ZSCAN2: variants seen among roughly 807,000 people sequenced by gnomAD.
The protein encoded by ZSCAN2 is zinc finger and SCAN domain-containing protein 2.
A neutral mutation model predicts 47.8 loss-of-function variants in ZSCAN2; 26 were observed. The observed-to-expected ratio is 0.54, with a 90% CI of 0.40 to 0.75. ZSCAN2 has a LOEUF of 0.75. Ranked by LOEUF, ZSCAN2 falls within the 30% of genes least tolerant of loss-of-function variation. ZSCAN2 has a pLI of 0.00. For synonymous variants in ZSCAN2, 305 were observed against 288.7 expected (o/e 1.06, Z -0.57); for missense variants, 732 against 785.4 (o/e 0.93, Z 0.81).
At position 84,621,925 on chromosome 15, in the gene ZSCAN2, A is replaced by G. The variant is rs1196285914; in HGVS notation, c.1730A>G (p.Gln577Arg). 6.2e-7 allele frequency: 1 copy of G among 1,614,050 alleles called. No homozygotes were observed. Among genetic ancestry groups the G allele is most frequent in the Admixed American group, 1.7e-5 (1 of 59,998 alleles). ...FSWNSVLIIHQRIHTGEKPYK... is the reference protein window; with the variant it reads ...FSWNSVLIIHRRIHTGEKPYK... ...TGGAACTCAGTCCTCATTATACATC[A>G]GCGAATCCACACTGGGGAGAAGCCC... Residue 577 changes from glutamine (Q) to arginine (R), a missense_variant, in exon 3 of 3, where the codon CAG (glutamine) becomes CGG (arginine). Around this residue, in one of 2 missense-constraint regions of ZSCAN2, gnomAD observed 412 missense variants for 498.0 expected, o/e 0.83. Coordinates refer to ENST00000546148, the MANE Select transcript of ZSCAN2 (RefSeq NM_181877.4). The surrounding 1 kb of genome is among the most constrained non-coding windows in gnomAD (Gnocchi z 5.7).
chr15:84,613,824 G>A (rs749329551), intron 2 of ZSCAN2, among the ~76,000 whole-genome samples: 7 of 151,698 alleles, frequency 4.6e-5, no homozygotes, highest in Non-Finnish European at 8.8e-5. Flanking sequence ...TGGGATTACA[G>A]GCATGTACCA....
rs1895842607 is a variant in ZSCAN2 at position 84,622,698 on chromosome 15, C to T, written c.*658C>T. 2 of 717,170 alleles carry T rather than the reference C, an allele frequency of 2.8e-6. No homozygotes were observed. The highest frequency in any genetic ancestry group is 5.2e-6 in the Non-Finnish European group (2 of 385,058). 44.4% of individuals were successfully genotyped at this position (717,170 alleles called of 1,614,324 possible). A position where few individuals can be genotyped will look rare whatever the true frequency, so the allele number is the denominator to read the frequency against. The stretch of plus-strand genomic sequence containing the variant: ...GAAGTACAGCCTGGAGCCAGTGTCC[C>T]AGTGTCCTTTCCATTGGTAAGAGTT... On this transcript the variant is annotated 3_prime_UTR_variant, in exon 3 of 3. Transcript: ENST00000546148.
chr15:84,606,316 G>A, intron 2 of ZSCAN2: 1 of 515,906 alleles, frequency 1.9e-6, no homozygotes, highest in Non-Finnish European at 3.5e-6. Context: ...GTGAGTGGCT[G>A]GCATTGTCAT....
Position 84,620,968 on chromosome 15 carries a change from G to C in ZSCAN2, c.773G>C (p.Ser258Thr). 6.2e-7 allele frequency: 1 copy of C among 1,614,074 alleles called. No homozygotes were observed. Among genetic ancestry groups the C allele is most frequent in the South Asian group, 1.1e-5 (1 of 91,076 alleles). ...TACAAATGTGATGAATGTGGAAAAA[G>C]CTTTAGTGATGGTTCAAATTTTAGT... ...KYYKCDECGK[S>T]FSDGSNFSRH... Residue 258 changes from serine to threonine, a missense_variant, in exon 3 of 3, where the codon AGC becomes ACC. By Grantham distance (58) the Ser-to-Thr change is moderately conservative. Transcript: ENST00000546148.
At chr15:84,612,428 A>G (rs1294383151) in intron 2 of ZSCAN2, among the ~76,000 whole-genome samples, 2 of 152,186 alleles carry the variant, frequency 1.3e-5, no homozygotes, top group Non-Finnish European at 2.9e-5. Flanking sequence ...TATGTTATAC[A>G]GCAATGTAGA....
At chr15:84,618,859 C>T (rs1346727840) in intron 2 of ZSCAN2, among the ~76,000 whole-genome samples, 8 of 152,060 alleles carry the variant, frequency 5.3e-5, no homozygotes, top group South Asian at 2.1e-4. Context: ...CCACCATGCC[C>T]GGTGTCAGTC....
At chr15:84,615,465 G>T (rs1044103241) in intron 2 of ZSCAN2, among the ~76,000 whole-genome samples, 2 of 152,022 alleles carry the variant, frequency 1.3e-5, no homozygotes, top group African/African-American at 2.4e-5. Context: ...TAAGTAGCTG[G>T]GTCTACAAGT....
intron 2 of ZSCAN2, among the ~76,000 whole-genome samples, chr15:84,610,982 G>T (rs1253830989): frequency 6.6e-6 from 1 of 152,162 alleles, no homozygotes; most frequent in Non-Finnish European, 1.5e-5. Flanking sequence ...ATTTAGAAAT[G>T]AAGAACTAAA....
chr15:84,615,755 C>T lies in ZSCAN2; in HGVS notation c.407-4847C>T, dbSNP rs554799447. Among the ~76,000 whole-genome samples the T allele has an allele frequency of 2.0e-5, 3 of 152,206 alleles. No individual in the cohort carries two copies. The South Asian group carries it at 6.2e-4, about 32-fold the overall frequency. On this transcript the variant is annotated intron_variant, in intron 2 of 2. Transcript: ENST00000546148. ...CTTTCCAAGATGCCTATTCCCATTG[C>T]GCTCCTTTTCCTGTTGTCTTCATTT...
intron 2 of ZSCAN2, among the ~76,000 whole-genome samples, chr15:84,604,631 A>G (rs1346593128): frequency 6.6e-6 from 1 of 152,108 alleles, no homozygotes; most frequent in Non-Finnish European, 1.5e-5. Flanking sequence ...ACGGGAGGAG[A>G]TGGAGACCCC....
intron 2 of ZSCAN2, among the ~76,000 whole-genome samples, chr15:84,617,754 T>C (rs1464399666): frequency 6.6e-6 from 1 of 152,016 alleles, no homozygotes; most frequent in Non-Finnish European, 1.5e-5. Context: ...CTGGGCAACA[T>C]AGCAAAACCC....
intron 2 of ZSCAN2, among the ~76,000 whole-genome samples, chr15:84,618,273 C>T (rs950172122): frequency 1.3e-5 from 2 of 152,038 alleles, no homozygotes; most frequent in African/African-American, 4.8e-5. Flanking sequence ...CAAAAATTAG[C>T]TGGGCGTGGT....
At position 84,620,712 on chromosome 15, in the gene ZSCAN2, G is replaced by C; in HGVS notation, c.517G>C (p.Asp173His). The change falls in exon 3 of 3, where the codon GAT becomes CAT. Residue 173 changes from aspartate to histidine, a missense_variant. By Grantham distance (81) the Asp-to-His change is moderately conservative (BLOSUM62 -1). Around this residue, in one of 2 missense-constraint regions of ZSCAN2, gnomAD observed 320 missense variants for 287.4 expected, o/e 1.11. Transcript: ENST00000546148. ...TGAAGGTGAAAGTGCTCAGCACTCCGATGGGGAAAGTGACTTTGAGAGAGA... is the reference window on the plus strand; with the variant it reads ...TGAAGGTGAAAGTGCTCAGCACTCCCATGGGGAAAGTGACTTTGAGAGAGA... ...MPEGESAQHS[D>H]GESDFERDAG... The C allele has an allele frequency of 6.2e-7, 1 of 1,614,250 alleles. No homozygotes were observed. Among genetic ancestry groups the C allele is most frequent in the Non-Finnish European group, 8.5e-7 (1 of 1,180,050 alleles).
chr15:84,602,887 G>A (rs1345819687), intron 1 of ZSCAN2, among the ~76,000 whole-genome samples: 1 of 152,026 alleles, frequency 6.6e-6, no homozygotes, highest in Admixed American at 6.6e-5. Flanking sequence ...CAAGCCTATA[G>A]CACAGTTTCT....
At chr15:84,604,357 A>G in intron 2 of ZSCAN2, 24 bp downstream of exon 2, 1 of 1,578,414 alleles carries the variant, frequency 6.3e-7, no homozygotes, top group Non-Finnish European at 8.6e-7. Flanking sequence ...CCTCATAGGG[A>G]GAGGGCGGGA....
At chr15:84,614,292 T>A (rs11634937) in intron 2 of ZSCAN2, 4 of 152,136 alleles carry the variant, frequency 2.6e-5, no homozygotes, top group African/African-American at 4.8e-5. Flanking sequence ...TCTTTTTTAG[T>A]GTTTATTTTT....
intron 2 of ZSCAN2, chr15:84,606,420 G>A: frequency 2.4e-6 from 2 of 843,458 alleles, no homozygotes; most frequent in Non-Finnish European, 2.0e-6. Flanking sequence ...TCTGCATGGA[G>A]ATCTCAGTTT....
chr15:84,603,786 CCT>C (rs1668872259), intron 1 of ZSCAN2, 32 bp from the exon 2 acceptor site: 4 of 1,011,400 alleles, frequency 4.0e-6, no homozygotes, highest in Non-Finnish European at 5.7e-6. Flanking sequence ...GGACAGTCTA[CCT>C]ATGGATTATG....
At chr15:84,616,702 A>G (rs1018088056) in intron 2 of ZSCAN2, 11 of 1,029,392 alleles carry the variant, frequency 1.1e-5, no homozygotes, top group Admixed American at 5.7e-5. Context: ...TACCTATTCA[A>G]TTACTAAAAT....
Sources: gnomAD v4.1 joint callset for allele counts (sites outside exome capture counted in the v4.1 genomes callset) on GRCh38, gnomAD v4.1.1 for gene constraint, gnomAD v4.1.1 regional missense constraint, Gnocchi (gnomAD v3.1) non-coding constraint, MANE v1.5 for transcripts, NCBI Gene and HGNC (gene_info 2026-07-23, HGNC 2026-07-21) for gene names.